SUGP1: variants seen among roughly 807,000 people sequenced by gnomAD.
The protein encoded by SUGP1 is SURP and G-patch domain-containing protein 1.
A neutral mutation model predicts 76.5 loss-of-function variants in SUGP1; 34 were observed. The observed-to-expected ratio is 0.44, with a 90% CI of 0.34 to 0.59. The LOEUF (loss-of-function observed/expected upper bound fraction) is 0.59, where lower values mean the gene tolerates loss of function less well. Ranked by LOEUF, SUGP1 falls within the 20% of genes least tolerant of loss-of-function variation. The probability of loss-of-function intolerance (pLI) is 0.01; values close to 1 mark genes in which losing one functional copy is unlikely to be tolerated. For synonymous variants in SUGP1, 326 were observed against 326.2 expected, an observed-to-expected ratio of 1.00 and a Z score of 0.01; for missense variants, 752 against 851.7, an observed-to-expected ratio of 0.88 and a Z score of 1.46.
At chr19:19,303,872 G>A in intron 4 of SUGP1, 25 bp from the exon 5 acceptor site, 1 of 1,613,302 alleles carries the variant, frequency 6.2e-7, no homozygotes, top group Non-Finnish European at 8.5e-7. Context: ...TCAGTACTGG[G>A]GTTCAACTCA....
chr19:19,283,559 A>G (rs138295924), intron 8 of SUGP1, among the ~76,000 whole-genome samples: 4,790 of 152,020 alleles, frequency 0.032, 106 homozygotes, highest in Non-Finnish European at 0.049. Context: ...GGTTCAAGAG[A>G]TTCTCCTGCC....
In SUGP1 at chr19:19,316,394, C is replaced by T. The variant is rs747261499; in HGVS notation, c.206+28G>A. 18 of 1,612,784 alleles carry T rather than the reference C, an allele frequency of 1.1e-5. No homozygotes were observed. The East Asian group carries it at 3.6e-4, about 32-fold the overall frequency. Reference sequence around the variant, plus strand: ...TGACCCTCAAAGACTCACATCCAGGCCCCATCCAGGCCCCAGCAGGCACTT... The same window carrying T: ...TGACCCTCAAAGACTCACATCCAGGTCCCATCCAGGCCCCAGCAGGCACTT... On this transcript the variant is annotated intron_variant, in intron 2 of 13. Transcript: ENST00000247001.
At chr19:19,300,145 G>A (rs539585726) in intron 7 of SUGP1, among the ~76,000 whole-genome samples, 72 of 152,004 alleles carry the variant, frequency 4.7e-4, no homozygotes, top group African/African-American at 1.6e-3. Context: ...GCATCATCTC[G>A]GCTCACTGCA....
Position 19,277,007 on chromosome 19 carries a change from G to C in SUGP1, c.1851C>G (p.Asp617Glu), listed in dbSNP as rs763061905. The part of the protein sequence containing the change: ...DRPAELSKED[D>E]EYEAFRKRMM... ...TCCTCTTGCGGAACGCCTCATACTC[G>C]TCGTCCTCCTTGGAGAGCTCCGCCG... The change falls in exon 13 of 14, where the codon GAC becomes GAG. Residue 617 changes from aspartate (D) to glutamate (E), a missense_variant. By Grantham distance (45) the Asp-to-Glu change is conservative. Transcript: ENST00000247001. 6.2e-7 allele frequency: 1 copy of C among 1,613,026 alleles called. No individual in the cohort carries two copies. The highest frequency in any genetic ancestry group is 1.7e-5 in the Admixed American group (1 of 60,016).
At chr19:19,287,090 C>T (rs1568621401) in intron 8 of SUGP1, among the ~76,000 whole-genome samples, 1 of 152,140 alleles carries the variant, frequency 6.6e-6, no homozygotes, top group Non-Finnish European at 1.5e-5. Flanking sequence ...GCCTGAGCAA[C>T]ATGGTGAAAC....
chr19:19,310,370 T>C (rs543672319), intron 2 of SUGP1, among the ~76,000 whole-genome samples, 170 bp from the exon 3 acceptor site: 1 of 152,214 alleles, frequency 6.6e-6, no homozygotes, highest in Non-Finnish European at 1.5e-5. Context: ...TTCAAGAGAC[T>C]ACTGCGAAGT....
intron 5 of SUGP1, 42 bp from the exon 6 acceptor site, chr19:19,303,490 A>G: frequency 6.4e-7 from 1 of 1,557,234 alleles, no homozygotes; most frequent in Middle Eastern, 1.7e-4. Flanking sequence ...GAAAATAAGT[A>G]TCTGTGACAG....
chr19:19,282,606 A>G (rs1283379918), intron 8 of SUGP1, among the ~76,000 whole-genome samples: 1 of 152,162 alleles, frequency 6.6e-6, no homozygotes, highest in East Asian at 1.9e-4. Context: ...CGCCTACTGC[A>G]CACCTACACT....
intron 3 of SUGP1, among the ~76,000 whole-genome samples, chr19:19,307,511 C>T (rs1568633220): frequency 1.3e-5 from 2 of 152,156 alleles, no homozygotes; most frequent in Admixed American, 6.6e-5. Flanking sequence ...CACACTATGT[C>T]GTCATCTGCA....
intron 8 of SUGP1, among the ~76,000 whole-genome samples, chr19:19,294,757 C>T (rs889488979): frequency 8.6e-5 from 13 of 151,938 alleles, no homozygotes; most frequent in African/African-American, 3.1e-4. Flanking sequence ...CCTGCCCCCT[C>T]CCTGGCACTA....
At chr19:19,283,968 T>G (rs1419851065) in intron 8 of SUGP1, among the ~76,000 whole-genome samples, 1 of 152,260 alleles carries the variant, frequency 6.6e-6, no homozygotes, top group Non-Finnish European at 1.5e-5. Flanking sequence ...GCTATTGTAA[T>G]GAGCTCAAGT....
chr19:19,279,274 C>T lies in SUGP1; in HGVS notation c.1467G>A (p.Val489=), dbSNP rs747144621. 2.5e-6 allele frequency: 4 copies of T among 1,611,276 alleles called. No individual in the cohort carries two copies. The highest frequency in any genetic ancestry group is 4.5e-5 in the East Asian group (2 of 44,880). The change falls in exon 10 of 14, where the codon GTG becomes GTA. Residue 489 remains valine, a synonymous_variant. Transcript: ENST00000247001. ...HQHGYDSDEE[V]DSELGTWEHQ... ...GCTCCCAGGTGCCCAGCTCGCTGTC[C>T]ACCTCCTCATCACTGTCATAGCCGT...
chr19:19,319,873 T>C (rs2061426682), intron 1 of SUGP1, among the ~76,000 whole-genome samples: 1 of 152,094 alleles, frequency 6.6e-6, no homozygotes, highest in Non-Finnish European at 1.5e-5. Flanking sequence ...GAAAGCAACC[T>C]CCAGGAAGGC....
At chr19:19,308,561 C>T (rs1374470776) in intron 3 of SUGP1, among the ~76,000 whole-genome samples, 1 of 152,250 alleles carries the variant, frequency 6.6e-6, no homozygotes, top group Non-Finnish European at 1.5e-5. Context: ...TGGGTGCCCC[C>T]AGCTGCGTGC....
In SUGP1 at chr19:19,279,270, T is replaced by C. The variant is rs777828548; in HGVS notation, c.1471A>G (p.Ser491Gly). 9 of 1,609,090 alleles carry C rather than the reference T, an allele frequency of 5.6e-6. No individual in the cohort carries two copies. The highest frequency in any genetic ancestry group is 4.4e-5 in the South Asian group (4 of 90,768). ...TGGTGCTCCCAGGTGCCCAGCTCGC[T>C]GTCCACCTCCTCATCACTGTCATAG... The part of the protein sequence containing the change: ...HGYDSDEEVD[S>G]ELGTWEHQLR... Residue 491 changes from serine to glycine, a missense_variant, in exon 10 of 14, where the codon AGC (serine) becomes GGC (glycine). Transcript: ENST00000247001.
chr19:19,283,221 T>C (rs180920705), intron 8 of SUGP1, among the ~76,000 whole-genome samples: 3 of 152,302 alleles, frequency 2.0e-5, no homozygotes, highest in Admixed American at 2.0e-4. Context: ...CTGTACATAA[T>C]GTGTTTTGCA....
intron 8 of SUGP1, among the ~76,000 whole-genome samples, chr19:19,292,869 G>C (rs1013144067): frequency 6.6e-6 from 1 of 151,892 alleles, no homozygotes; most frequent in African/African-American, 2.4e-5. Context: ...CAAATTAATA[G>C]AATGAAGGAA....
intron 3 of SUGP1, among the ~76,000 whole-genome samples, chr19:19,308,591 C>T (rs1397291370): frequency 6.6e-6 from 1 of 152,272 alleles, no homozygotes; most frequent in Non-Finnish European, 1.5e-5. Context: ...ACCTCAGCCG[C>T]AGCAGGCCCC....
At chr19:19,296,141 A>AC (rs1236061297) in intron 8 of SUGP1, among the ~76,000 whole-genome samples, 2 of 151,648 alleles carry the variant, frequency 1.3e-5, no homozygotes, top group East Asian at 1.9e-4. Flanking sequence ...ACATAGTGAG[A>AC]CCCCGTCTCC....
Sources: gnomAD v4.1 joint callset for allele counts (sites outside exome capture counted in the v4.1 genomes callset) on GRCh38, gnomAD v4.1.1 for gene constraint, MANE v1.5 for transcripts, NCBI Gene and HGNC (gene_info 2026-07-23, HGNC 2026-07-21) for gene names.